The following EPHA6 variants were observed in gnomAD, a reference collection of about 807,000 sequenced individuals.
EPHA6 encodes the protein ephrin type-A receptor 6.
Under a neutral mutation model 112.0 loss-of-function variants are expected in EPHA6, and 50 were observed. The ratio of observed to expected loss-of-function variants is 0.45; its 90% CI spans 0.36 to 0.56. EPHA6 has a LOEUF of 0.56. Among genes scored for constraint, EPHA6 ranks in the 20% least tolerant of loss-of-function variants. The probability of loss-of-function intolerance (pLI) is 0.00; values close to 1 mark genes in which losing one functional copy is unlikely to be tolerated. For missense variants in EPHA6, 1,280 were observed against 1,417.4 expected (o/e 0.90, Z 1.56); for synonymous variants, 529 against 490.7 (o/e 1.08, Z -1.03).
chr3:96,972,424 AACACACACACACACAC>A (rs3070424), intron 2 of EPHA6, among the ~76,000 whole-genome samples: 3 of 144,866 alleles, frequency 2.1e-5, no homozygotes, highest in South Asian at 2.3e-4. Flanking sequence ...CACACACACA[AACACACACACACACAC>A]ACACACACAC....
intron 6 of EPHA6, among the ~76,000 whole-genome samples, chr3:97,419,148 T>C (rs773261457): frequency 1.5e-4 from 22 of 151,718 alleles, no homozygotes; most frequent in Non-Finnish European, 2.2e-4. Context: ...CTACTAAAAA[T>C]ACAAAATTGC....
chr3:97,203,747 G>C (rs377589535), intron 3 of EPHA6, among the ~76,000 whole-genome samples: 1 of 152,096 alleles, frequency 6.6e-6, no homozygotes, highest in East Asian at 1.9e-4. Context: ...TTTATCTTTT[G>C]AAAGTCCTGT....
chr3:97,499,836 T>C (rs905369052), intron 10 of EPHA6, among the ~76,000 whole-genome samples: 9 of 152,202 alleles, frequency 5.9e-5, no homozygotes, highest in Non-Finnish European at 1.2e-4. Flanking sequence ...GGTGTGAATG[T>C]GAAGGCCTAG....
At chr3:96,934,491 A>G (rs1472583977) in intron 2 of EPHA6, among the ~76,000 whole-genome samples, 1 of 151,690 alleles carries the variant, frequency 6.6e-6, no homozygotes. Flanking sequence ...TAAAATAATC[A>G]AATACAAATT....
intron 3 of EPHA6, among the ~76,000 whole-genome samples, chr3:96,993,125 A>G (rs2043276002): frequency 6.6e-6 from 1 of 152,126 alleles, no homozygotes; most frequent in Non-Finnish European, 1.5e-5. Flanking sequence ...TTAGATCTGG[A>G]AGGCCTTAGA....
At chr3:97,276,082 G>C (rs762591243) in intron 5 of EPHA6, among the ~76,000 whole-genome samples, 26 of 152,140 alleles carry the variant, frequency 1.7e-4, no homozygotes, top group Non-Finnish European at 1.6e-4. Flanking sequence ...AACAGTTATG[G>C]AGGCAAGGGA....
rs371520282 is a variant in EPHA6 at position 97,592,716 on chromosome 3, T to C, written c.2491T>C (p.Leu831=). Residue 831 remains leucine, a synonymous_variant, in exon 12 of 18, where the codon TTG becomes CTG. Coordinates refer to ENST00000389672, the MANE Select transcript of EPHA6 (RefSeq NM_001080448.3). ...GCATCCAGTGCCAGGGGGAGGATCT[T>C]TGCCCCCCAGGATTCCTGCTGGTAG... ...APHPVPGGGS[L]PPRIPAGRPV... The C allele has an allele frequency of 1.4e-5, 23 of 1,600,984 alleles. No homozygotes were observed. The African/African-American group carries it at 3.0e-4, about 21-fold the overall frequency.
At chr3:97,147,803 C>T (rs761033243) in intron 3 of EPHA6, among the ~76,000 whole-genome samples, 2 of 151,930 alleles carry the variant, frequency 1.3e-5, no homozygotes, top group Non-Finnish European at 2.9e-5. Flanking sequence ...GTCACAGACT[C>T]GGGGTGATAA....
At chr3:97,275,536 G>A (rs573285547) in intron 5 of EPHA6, among the ~76,000 whole-genome samples, 2 of 152,078 alleles carry the variant, frequency 1.3e-5, no homozygotes, top group Non-Finnish European at 2.9e-5. Context: ...TTGGCACGAC[G>A]GGGTGGATAG....
At chr3:96,983,091 C>G (rs1325929456) in intron 2 of EPHA6, among the ~76,000 whole-genome samples, 2 of 152,096 alleles carry the variant, frequency 1.3e-5, no homozygotes, top group African/African-American at 2.4e-5. Flanking sequence ...TTGATCCTGT[C>G]ATTATGATGT....
intron 7 of EPHA6, among the ~76,000 whole-genome samples, chr3:97,449,856 C>G (rs959207726): frequency 6.6e-6 from 1 of 152,034 alleles, no homozygotes; most frequent in African/African-American, 2.4e-5. Flanking sequence ...TTATCACTCC[C>G]TCAAAATGAA....
Position 97,405,416 on chromosome 3 carries a change from CCTCT to C in EPHA6, c.1731+145_1731+148del, listed in dbSNP as rs1332518885. ...CCTCATACCTTCTGTTTCTTTGAAT[CCTCT>C]CTAACTTACTATTCTGCTTGTAAGT... On this transcript the variant is annotated intron_variant, in intron 6 of 17. Coordinates refer to ENST00000389672, the MANE Select transcript of EPHA6 (RefSeq NM_001080448.3). The C allele has an allele frequency of 1.2e-5, 8 of 642,080 alleles. No homozygotes were observed. The East Asian group carries it at 2.4e-4, about 19-fold the overall frequency. The allele number at this position is 642,080 out of a possible 1,614,324, so 39.8% of individuals were successfully genotyped here. A position where few individuals can be genotyped will look rare whatever the true frequency, so the allele number is the denominator to read the frequency against.
At chr3:97,093,011 C>G (rs1239454418) in intron 3 of EPHA6, among the ~76,000 whole-genome samples, 1 of 152,040 alleles carries the variant, frequency 6.6e-6, no homozygotes, top group Non-Finnish European at 1.5e-5. Context: ...ATAAGAGAAC[C>G]TGGAGAAGGC....
intron 3 of EPHA6, among the ~76,000 whole-genome samples, chr3:97,026,281 G>A (rs148402160): frequency 2.0e-4 from 31 of 151,962 alleles, no homozygotes; most frequent in African/African-American, 6.8e-4. Context: ...ATGAATTTTA[G>A]AATCCTTTTT....
At chr3:97,218,270 T>TAAA (rs113002813) in intron 3 of EPHA6, among the ~76,000 whole-genome samples, 1 of 145,556 alleles carries the variant, frequency 6.9e-6, no homozygotes, top group African/African-American at 2.5e-5. Context: ...GACCCTATCT[T>TAAA]AAAAAAAAAA....
intron 5 of EPHA6, among the ~76,000 whole-genome samples, chr3:97,388,687 G>A (rs2086219052): frequency 6.6e-6 from 1 of 152,114 alleles, no homozygotes; most frequent in South Asian, 2.1e-4. Flanking sequence ...GGGGATTTAT[G>A]ACAGCTGAAT....
intron 3 of EPHA6, among the ~76,000 whole-genome samples, chr3:97,115,738 A>G (rs763605583): frequency 6.6e-6 from 1 of 151,840 alleles, no homozygotes; most frequent in Non-Finnish European, 1.5e-5. Flanking sequence ...CAATCATTGC[A>G]TACACTCATT....
At chr3:97,633,409 T>G (rs1031241706) in intron 13 of EPHA6, among the ~76,000 whole-genome samples, 1 of 152,068 alleles carries the variant, frequency 6.6e-6, no homozygotes, top group African/African-American at 2.4e-5. Context: ...AGACCATATG[T>G]CATAAAAAAA....
At chr3:97,365,070 A>G (rs1476661845) in intron 5 of EPHA6, among the ~76,000 whole-genome samples, 7 of 152,324 alleles carry the variant, frequency 4.6e-5, no homozygotes, top group Non-Finnish European at 1.0e-4. Context: ...TCTACTTGAT[A>G]TACAGAATGC....
Sources: allele counts gnomAD v4.1 joint callset (sites outside exome capture counted in the v4.1 genomes callset), GRCh38; gene constraint gnomAD v4.1.1; transcripts MANE v1.5; gene names NCBI Gene and HGNC (gene_info 2026-07-23, HGNC 2026-07-21).